PALM2AKAP2: variants seen among roughly 807,000 people sequenced by gnomAD.
PALM2AKAP2 encodes the protein PALM2 and AKAP2 fusion.
PALM2AKAP2 carries 37 observed loss-of-function variants against 71.5 expected under a neutral mutation model. That is an observed-to-expected ratio of 0.52 (90% CI 0.40 to 0.68). The LOEUF (loss-of-function observed/expected upper bound fraction) is 0.68, where lower values mean the gene tolerates loss of function less well. Ranked by LOEUF, PALM2AKAP2 falls within the 30% of genes least tolerant of loss-of-function variation. PALM2AKAP2 has a pLI of 0.00. For missense variants in PALM2AKAP2, 1,224 were observed against 1,191.8 expected, an observed-to-expected ratio of 1.03 and a Z score of -0.40; for synonymous variants, 468 against 478.8, an observed-to-expected ratio of 0.98 and a Z score of 0.29.
intron 5 of PALM2AKAP2, among the ~76,000 whole-genome samples, chr9:109,926,138 C>A (rs1339484328): frequency 1.3e-5 from 2 of 152,156 alleles, no homozygotes; most frequent in Non-Finnish European, 2.9e-5. Flanking sequence ...GAATTGGCAT[C>A]AGTGTTTTCC....
At chr9:109,798,421 A>G (rs1564153663) in intron 1 of PALM2AKAP2, among the ~76,000 whole-genome samples, 1 of 152,214 alleles carries the variant, frequency 6.6e-6, no homozygotes, top group Non-Finnish European at 1.5e-5. Flanking sequence ...GGGAATGGCT[A>G]AGGGGCCTGT....
At chr9:109,770,810 A>G (rs143971057) in intron 1 of PALM2AKAP2, among the ~76,000 whole-genome samples, 1 of 152,228 alleles carries the variant, frequency 6.6e-6, no homozygotes, top group African/African-American at 2.4e-5. Flanking sequence ...GTGTCAACAG[A>G]TAAGATTATG....
chr9:109,848,215 CTT>C lies in PALM2AKAP2; in HGVS notation c.46-19273_46-19272del, dbSNP rs1375013613. Among the ~76,000 whole-genome samples the C allele has an allele frequency of 4.6e-5, 7 of 152,304 alleles. No homozygotes were observed. In the East Asian group the frequency reaches 1.4e-3, roughly 29 times the overall value. ...AGCCCTGGGAGCAGGGGAGTGCAGACTTTTGTTCAACCCCTTTCACAGATGTG... is the reference window on the plus strand; with the variant it reads ...AGCCCTGGGAGCAGGGGAGTGCAGACTTGTTCAACCCCTTTCACAGATGTG... On this transcript the variant is annotated intron_variant, in intron 1 of 9. Coordinates refer to the PALM2AKAP2 transcript ENST00000302798.
At chr9:109,850,913 C>T (rs1299650953) in intron 1 of PALM2AKAP2, among the ~76,000 whole-genome samples, 1 of 152,100 alleles carries the variant, frequency 6.6e-6, no homozygotes, top group East Asian at 1.9e-4. Context: ...CGTGGTGGCT[C>T]ACACCTGTAA....
chr9:110,014,812 A>T (rs1427047123), intron 6 of PALM2AKAP2, among the ~76,000 whole-genome samples: 1 of 20,886 alleles, frequency 4.8e-5, no homozygotes, highest in Non-Finnish European at 8.9e-5. Context: ...AAATGTATAT[A>T]TATATATATA....
chr9:109,858,670 C>T (rs1339705081), intron 1 of PALM2AKAP2, among the ~76,000 whole-genome samples: 1 of 152,102 alleles, frequency 6.6e-6, no homozygotes, highest in African/African-American at 2.4e-5. Flanking sequence ...GTTATTCCTG[C>T]CATTTGGGAC....
At chr9:109,931,752 A>G (rs1831106609) in intron 5 of PALM2AKAP2, among the ~76,000 whole-genome samples, 175 bp from the exon 6 acceptor site, 1 of 152,082 alleles carries the variant, frequency 6.6e-6, no homozygotes. Flanking sequence ...TGCCTCAGCT[A>G]CTCTGCTGAA....
exon 2 of PALM2AKAP2, chr9:110,136,761 A>G: frequency 1.2e-6 from 2 of 1,614,182 alleles, no homozygotes; most frequent in Non-Finnish European, 1.7e-6. Context: ...ACACTGAAAA[A>G]GGAGGCCAAG....
rs185438019 is a variant in PALM2AKAP2 at position 109,695,400 on chromosome 9, T to G, written c.5+54534T>G. ...ATACTGTTTTCTATGGTGGCTGTACTACTTTACATTCCCACCACCATATAA... is the reference window on the plus strand; with the variant it reads ...ATACTGTTTTCTATGGTGGCTGTACGACTTTACATTCCCACCACCATATAA... On this transcript the variant is annotated intron_variant, in intron 1 of 6. Coordinates refer to the PALM2AKAP2 transcript ENST00000374531. 3.7e-3 allele frequency among the ~76,000 whole-genome samples: 567 copies of G among 152,322 alleles called. 4 individuals carry two copies. The highest frequency in any genetic ancestry group is 0.013 in the African/African-American group (549 of 41,586).
chr9:109,948,998 A>G (rs573273641), intron 6 of PALM2AKAP2, among the ~76,000 whole-genome samples: 60 of 152,318 alleles, frequency 3.9e-4, no homozygotes, highest in African/African-American at 1.4e-3. Context: ...AGCTGTATTA[A>G]CACAACATTC....
intron 3 of PALM2AKAP2, among the ~76,000 whole-genome samples, chr9:109,890,080 G>A (rs544565428): frequency 9.9e-5 from 15 of 152,248 alleles, no homozygotes; most frequent in African/African-American, 2.4e-4. Context: ...ATTTCCAACC[G>A]TTCTACATTC....
intron 3 of PALM2AKAP2, among the ~76,000 whole-genome samples, chr9:110,159,734 G>A (rs1325809411): frequency 1.3e-5 from 2 of 152,130 alleles, no homozygotes; most frequent in African/African-American, 2.4e-5. Context: ...AGTGTCCCCC[G>A]AGCCCCCATC....
chr9:109,888,321 A>G (rs1002113037), intron 3 of PALM2AKAP2, among the ~76,000 whole-genome samples: 1 of 152,188 alleles, frequency 6.6e-6, no homozygotes, highest in Non-Finnish European at 1.5e-5. Flanking sequence ...TCGCCTGTAC[A>G]TTGGGGAAAA....
intron 1 of PALM2AKAP2, chr9:109,760,625 T>A (rs1829035733): frequency 1.3e-5 from 2 of 152,130 alleles, no homozygotes; most frequent in African/African-American, 4.8e-5. Flanking sequence ...CAAATTCTAG[T>A]AAGAGAGAGT....
At chr9:110,127,300 C>G (rs192683045) in intron 1 of PALM2AKAP2, among the ~76,000 whole-genome samples, 32 of 152,252 alleles carry the variant, frequency 2.1e-4, no homozygotes, top group Non-Finnish European at 3.7e-4. Context: ...AGCATTGACC[C>G]GAGCCTGCCG....
At chr9:109,897,551 C>G (rs958930182) in intron 3 of PALM2AKAP2, among the ~76,000 whole-genome samples, 5 of 152,038 alleles carry the variant, frequency 3.3e-5, no homozygotes, top group Admixed American at 2.6e-4. Flanking sequence ...TGCACTCCAG[C>G]CTGGGCAACA....
chr9:109,986,017 C>T (rs186848356), intron 6 of PALM2AKAP2, among the ~76,000 whole-genome samples: 22 of 152,326 alleles, frequency 1.4e-4, no homozygotes, highest in African/African-American at 4.8e-4. Context: ...CCTCATTAAA[C>T]TGGCTCCAAC....
chr9:110,115,928 A>G (rs1835352420), intron 1 of PALM2AKAP2, among the ~76,000 whole-genome samples: 1 of 152,124 alleles, frequency 6.6e-6, no homozygotes, highest in South Asian at 2.1e-4. Context: ...AGCATCTCTG[A>G]TGGTTTTTCT....
intron 2 of PALM2AKAP2, among the ~76,000 whole-genome samples, chr9:110,146,262 A>G (rs1836167728): frequency 6.6e-6 from 1 of 152,128 alleles, no homozygotes; most frequent in East Asian, 1.9e-4. Context: ...ACAAGCCTGC[A>G]GTTACAGCTT....
Sources: gnomAD v4.1 joint callset for allele counts (sites outside exome capture counted in the v4.1 genomes callset) on GRCh38, gnomAD v4.1.1 for gene constraint, MANE v1.5 for transcripts, NCBI Gene and HGNC (gene_info 2026-07-23, HGNC 2026-07-21) for gene names.